Variants in PRSS23 observed in about 807,000 individuals in gnomAD.
PRSS23 encodes protease, serine 23.
In PRSS23, 25 loss-of-function variants were observed where a neutral mutation model predicts 34.7. The ratio of observed to expected loss-of-function variants is 0.72; its 90% CI spans 0.53 to 1.01. The LOEUF (loss-of-function observed/expected upper bound fraction) is 1.01, where lower values mean the gene tolerates loss of function less well. PRSS23 is among the 50% of genes least tolerant of loss of function. The pLI, the probability that PRSS23 is intolerant of heterozygous loss-of-function variation, is 0.00. For synonymous variants in PRSS23, 176 were observed against 186.6 expected, an observed-to-expected ratio of 0.94 and a Z score of 0.46; for missense variants, 445 against 475.6, an observed-to-expected ratio of 0.94 and a Z score of 0.60.
At position 86,928,707 on chromosome 11, in the gene PRSS23, T is replaced by TATATATATATATATATATATATATA. The variant is rs59624601; in HGVS notation, c.207-22509_207-22508insATATATATATATATATATATATATA. On this transcript the variant is annotated intron_variant, in intron 2 of 2. Transcript: ENST00000533902. ...AAAAAAAAAAAAAAAAAAAAAAAAA[T>TATATATATATATATATATATATATA]TGGCAAGACATATACAGCATATAAT... 1.3e-3 allele frequency among the ~76,000 whole-genome samples: 88 copies of TATATATATATATATATATATATATA among 65,860 alleles called. 3 individuals are homozygous for TATATATATATATATATATATATATA. Among genetic ancestry groups the TATATATATATATATATATATATATA allele is most frequent in the Non-Finnish European group, 2.0e-3 (64 of 31,794 alleles). 43.2% of individuals were successfully genotyped at this position (65,860 alleles called of 152,430 possible).
At chr11:86,871,863 A>G (rs967597438) in intron 2 of PRSS23, among the ~76,000 whole-genome samples, 3 of 152,254 alleles carry the variant, frequency 2.0e-5, no homozygotes, top group Non-Finnish European at 2.9e-5. Context: ...AAGGGTCAAC[A>G]TGTACACAGG....
chr11:86,898,434 TG>T (rs1229562547), intron 2 of PRSS23, among the ~76,000 whole-genome samples: 1 of 152,250 alleles, frequency 6.6e-6, no homozygotes, highest in Non-Finnish European at 1.5e-5. Context: ...TGATATTTTT[TG>T]TTGAGGATCA....
At chr11:86,900,787 T>C (rs1325557417) in intron 2 of PRSS23, among the ~76,000 whole-genome samples, 13 of 130,596 alleles carry the variant, frequency 1.0e-4, no homozygotes, top group Admixed American at 1.5e-4. Flanking sequence ...CTCTCTTTTT[T>C]TTTTTTTTTT....
chr11:86,845,281 T>C (rs542963317), intron 2 of PRSS23, among the ~76,000 whole-genome samples: 1 of 152,292 alleles, frequency 6.6e-6, no homozygotes, highest in South Asian at 2.1e-4. Context: ...CAATACTCAG[T>C]ACTTACTTAG....
intron 2 of PRSS23, among the ~76,000 whole-genome samples, chr11:86,871,203 G>T (rs2134947311): frequency 6.6e-6 from 1 of 152,100 alleles, no homozygotes; most frequent in East Asian, 1.9e-4. Context: ...TTTTAGGGTG[G>T]GTGTAGAGTT....
chr11:86,817,325 G>T (rs187891781), intron 1 of PRSS23, among the ~76,000 whole-genome samples: 277 of 152,300 alleles, frequency 1.8e-3, no homozygotes, highest in African/African-American at 6.6e-3. Context: ...TCTGTCCAGA[G>T]AATTAAGTTA....
Position 86,808,520 on chromosome 11 carries a change from C to T in PRSS23, c.877C>T (p.Arg293Cys), listed in dbSNP as rs990103072. 7.4e-6 allele frequency: 12 copies of T among 1,614,178 alleles called. No individual in the cohort carries two copies. The highest frequency in any genetic ancestry group is 9.3e-6 in the Non-Finnish European group (11 of 1,180,030). Residue 293 changes from arginine to cysteine, a missense_variant, in exon 2 of 2, where the codon CGC (arginine) becomes TGC (cysteine). Coordinates refer to ENST00000280258, the MANE Select transcript of PRSS23 (RefSeq NM_007173.6). ...TGACCGACCAGGCAATTTGGTGTAT[C>T]GCTTCTGTGACGTCAAAGACGAGAC... is the stretch of plus-strand genomic sequence containing the variant. ...DNDRPGNLVY[R>C]FCDVKDETYD...
chr11:86,796,110 G>A (rs1025114715), upstream of PRSS23, among the ~76,000 whole-genome samples: 1 of 152,178 alleles, frequency 6.6e-6, no homozygotes, highest in African/African-American at 2.4e-5. Context: ...AGGATACTTA[G>A]AGCTGGAGTG....
chr11:86,837,929 G>A (rs950630999), intron 2 of PRSS23, among the ~76,000 whole-genome samples: 6 of 152,098 alleles, frequency 3.9e-5, no homozygotes, highest in African/African-American at 1.2e-4. Flanking sequence ...CATTGGGACT[G>A]CTTGGACAGT....
chr11:86,844,991 A>G (rs1446335806), intron 2 of PRSS23, among the ~76,000 whole-genome samples: 4 of 152,032 alleles, frequency 2.6e-5, no homozygotes, highest in Non-Finnish European at 5.9e-5. Context: ...CAGGAGGCTG[A>G]GCAAACAAAT....
chr11:86,904,353 C>T (rs1383365716), intron 2 of PRSS23, among the ~76,000 whole-genome samples: 1 of 152,030 alleles, frequency 6.6e-6, no homozygotes, highest in African/African-American at 2.4e-5. Context: ...TCATCTGCTT[C>T]CGTCCCCATC....
rs112378438 is a variant in PRSS23 at position 86,808,327 on chromosome 11, T to C, written c.684T>C (p.His228=). 6.2e-7 allele frequency: 1 copy of C among 1,614,054 alleles called. No homozygotes were observed. Among genetic ancestry groups the C allele is most frequent in the South Asian group, 1.1e-5 (1 of 91,092 alleles). The change falls in exon 2 of 2, where the codon CAT becomes CAC. Residue 228 remains histidine (H), a synonymous_variant. Transcript: ENST00000280258. ...AGTGGATCCGGGTGAAACGCACCCA[T>C]GTGCCCAAGGGTTGGATCAAGGGCA... ...KFQWIRVKRT[H]VPKGWIKGNA...
intron 1 of PRSS23, among the ~76,000 whole-genome samples, chr11:86,818,847 TAATC>T (rs1354005918): frequency 2.0e-5 from 3 of 152,350 alleles, no homozygotes; most frequent in South Asian, 2.1e-4. Context: ...CGCTTAGTGT[TAATC>T]AATACATGCC....
intron 2 of PRSS23, among the ~76,000 whole-genome samples, chr11:86,858,549 A>C (rs1939109): frequency 0.39 from 59,648 of 151,436 alleles, 12,219 homozygotes; most frequent in African/African-American, 0.5. Flanking sequence ...GAAGATGTTA[A>C]TCCCAATGTT....
chr11:86,945,959 C>T (rs1949239168), intron 2 of PRSS23: 1 of 152,624 alleles, frequency 6.6e-6, no homozygotes, highest in African/African-American at 2.4e-5. Flanking sequence ...AGAAAGGCCA[C>T]AGAGCATCCA....
chr11:86,870,372 G>A (rs563514267), intron 2 of PRSS23, among the ~76,000 whole-genome samples: 90 of 152,154 alleles, frequency 5.9e-4, no homozygotes, highest in African/African-American at 2.1e-3. Context: ...ATAGGGCCTC[G>A]TACTGTGTTT....
chr11:86,922,701 T>C (rs1048671025), intron 2 of PRSS23, among the ~76,000 whole-genome samples: 8 of 152,168 alleles, frequency 5.3e-5, no homozygotes, highest in Admixed American at 1.3e-4. Flanking sequence ...TGCTCAAACA[T>C]ATGAATAAAT....
Position 86,808,270 on chromosome 11 carries a change from C to T in PRSS23, c.627C>T (p.Ser209=). The change falls in exon 2 of 2, where the codon TCC becomes TCT. Residue 209 remains serine, a synonymous_variant. Coordinates refer to ENST00000280258, the MANE Select transcript of PRSS23 (RefSeq NM_007173.6). ...FKDGGRGAND[S]TSAMPEQMKF... ...ATGGTGGTCGAGGGGCCAACGACTC[C>T]ACTTCAGCCATGCCCGAGCAGATGA... The T allele has an allele frequency of 1.2e-6, 2 of 1,614,024 alleles. No individual in the cohort carries two copies. Among genetic ancestry groups the T allele is most frequent in the Non-Finnish European group, 1.7e-6 (2 of 1,180,026 alleles).
intron 1 of PRSS23, among the ~76,000 whole-genome samples, chr11:86,806,631 G>A (rs140803906): frequency 6.6e-6 from 1 of 152,280 alleles, no homozygotes; most frequent in African/African-American, 2.4e-5. Flanking sequence ...GGCCTCTCTT[G>A]TTCTTACTCC....
Sources: gnomAD v4.1 joint callset for allele counts (sites outside exome capture counted in the v4.1 genomes callset) on GRCh38, gnomAD v4.1.1 for gene constraint, MANE v1.5 for transcripts, NCBI Gene and HGNC (gene_info 2026-07-23, HGNC 2026-07-21) for gene names.